The following LRRTM4 variants were observed in gnomAD, a reference collection of about 807,000 sequenced individuals.
LRRTM4 encodes leucine-rich repeat transmembrane neuronal protein 4.
LRRTM4 carries 25 observed loss-of-function variants against 47.6 expected under a neutral mutation model. That is an observed-to-expected ratio of 0.53 (90% CI 0.38 to 0.73). LRRTM4 has a LOEUF of 0.73. Among genes scored for constraint, LRRTM4 ranks in the 30% least tolerant of loss-of-function variants. The pLI is 0.00. For synonymous variants in LRRTM4, 311 were observed against 269.5 expected, an observed-to-expected ratio of 1.15 and a Z score of -1.51; for missense variants, 638 against 713.4, an observed-to-expected ratio of 0.89 and a Z score of 1.20.
At chr2:77,138,912 G>C (rs910678412) in intron 3 of LRRTM4, among the ~76,000 whole-genome samples, 1 of 152,016 alleles carries the variant, frequency 6.6e-6, no homozygotes, top group Non-Finnish European at 1.5e-5. Context: ...ATACTCCCAA[G>C]ACTAAACCAG....
At chr2:77,264,966 G>T (rs115476118) in intron 3 of LRRTM4, among the ~76,000 whole-genome samples, 328 of 152,148 alleles carry the variant, frequency 2.2e-3, no homozygotes, top group African/African-American at 7.5e-3. Flanking sequence ...TGTTTTCAAA[G>T]ATGGTAAAAC....
intron 3 of LRRTM4, among the ~76,000 whole-genome samples, chr2:77,516,441 T>G (rs1207604657): frequency 6.6e-6 from 1 of 151,852 alleles, no homozygotes; most frequent in Non-Finnish European, 1.5e-5. Context: ...TGTTTCTTTC[T>G]TCTTGGTGAT....
intron 3 of LRRTM4, among the ~76,000 whole-genome samples, chr2:77,028,531 G>C (rs908445304): frequency 4.6e-5 from 7 of 151,992 alleles, no homozygotes; most frequent in African/African-American, 1.7e-4. Context: ...ATTGGAAGAG[G>C]ATAGAAGGAA....
chr2:77,457,423 C>G (rs1414616072), intron 3 of LRRTM4, among the ~76,000 whole-genome samples: 1 of 152,002 alleles, frequency 6.6e-6, no homozygotes, highest in Admixed American at 6.6e-5. Context: ...TCTATCTACA[C>G]CTCTAACCCC....
At chr2:77,507,123 CTTTAT>C (rs1171358309) in intron 3 of LRRTM4, among the ~76,000 whole-genome samples, 1 of 151,838 alleles carries the variant, frequency 6.6e-6, no homozygotes, top group African/African-American at 2.4e-5. Context: ...CATTCATTTA[CTTTAT>C]AACTAGAAAA....
intron 3 of LRRTM4, among the ~76,000 whole-genome samples, chr2:76,822,759 T>C (rs1573169590): frequency 6.6e-6 from 1 of 151,650 alleles, no homozygotes; most frequent in African/African-American, 2.4e-5. Context: ...AAGGAGGTTG[T>C]ACCTCTAAGT....
At chr2:76,797,321 A>G (rs983238922) in intron 3 of LRRTM4, among the ~76,000 whole-genome samples, 1 of 152,092 alleles carries the variant, frequency 6.6e-6, no homozygotes, top group African/African-American at 2.4e-5. Context: ...CAACATTCTT[A>G]AAGAAAAGAA....
At chr2:76,843,258 C>T (rs552912303) in intron 3 of LRRTM4, among the ~76,000 whole-genome samples, 21 of 152,082 alleles carry the variant, frequency 1.4e-4, no homozygotes, top group African/African-American at 4.8e-4. Flanking sequence ...TGAAGTTTGT[C>T]CAGGGTCTAT....
intron 3 of LRRTM4, among the ~76,000 whole-genome samples, chr2:76,990,240 A>T (rs2103990086): frequency 6.6e-6 from 1 of 151,940 alleles, no homozygotes; most frequent in South Asian, 2.1e-4. Context: ...ACGGTGGGAA[A>T]CCACAAAATA....
At chr2:77,306,677 T>C (rs939145310) in intron 3 of LRRTM4, among the ~76,000 whole-genome samples, 9 of 152,108 alleles carry the variant, frequency 5.9e-5, no homozygotes, top group Non-Finnish European at 1.3e-4. Context: ...GAAAAACAAT[T>C]ATATTTGAGG....
At chr2:77,303,475 C>T (rs540602074) in intron 3 of LRRTM4, among the ~76,000 whole-genome samples, 1 of 152,260 alleles carries the variant, frequency 6.6e-6, no homozygotes, top group African/African-American at 2.4e-5. Context: ...TAAATTAGAA[C>T]AAGCATGATT....
chr2:76,795,225 A>T, intron 3 of LRRTM4, among the ~76,000 whole-genome samples: 1 of 152,302 alleles, frequency 6.6e-6, no homozygotes, highest in South Asian at 2.1e-4. Context: ...TAAATTAATG[A>T]AAAGTGTGTT....
At chr2:76,808,364 T>G (rs2103809103) in intron 3 of LRRTM4, among the ~76,000 whole-genome samples, 1 of 152,086 alleles carries the variant, frequency 6.6e-6, no homozygotes, top group Non-Finnish European at 1.5e-5. Context: ...ATTTAAAAAT[T>G]ACCTATAATG....
At chr2:77,129,898 C>T (rs1671749396) in intron 3 of LRRTM4, among the ~76,000 whole-genome samples, 1 of 152,014 alleles carries the variant, frequency 6.6e-6, no homozygotes, top group South Asian at 2.1e-4. Flanking sequence ...TAATAGAGGG[C>T]TCATTAGTTC....
At chr2:76,792,239 G>C (rs540386412) in intron 3 of LRRTM4, among the ~76,000 whole-genome samples, 1 of 151,578 alleles carries the variant, frequency 6.6e-6, no homozygotes, top group Non-Finnish European at 1.5e-5. Context: ...ATGTTAAGTC[G>C]GCTTAAAAAC....
intron 3 of LRRTM4, among the ~76,000 whole-genome samples, chr2:77,458,550 T>C (rs1676654207): frequency 6.6e-6 from 1 of 152,044 alleles, no homozygotes; most frequent in East Asian, 1.9e-4. Context: ...ATCTGGGGAA[T>C]AATGAAATCC....
At chr2:77,010,927 G>C (rs532880204) in intron 3 of LRRTM4, among the ~76,000 whole-genome samples, 42 of 152,138 alleles carry the variant, frequency 2.8e-4, no homozygotes, top group African/African-American at 9.4e-4. Flanking sequence ...CCATATGAAA[G>C]GCAACATTCA....
intron 3 of LRRTM4, among the ~76,000 whole-genome samples, chr2:76,862,968 C>T (rs1672362876): frequency 1.3e-5 from 2 of 152,284 alleles, no homozygotes; most frequent in African/African-American, 4.8e-5. Flanking sequence ...TATGTTTCTA[C>T]CCTCCGATTA....
At chr2:77,158,753 T>G (rs372068228) in intron 3 of LRRTM4, among the ~76,000 whole-genome samples, 161 of 152,198 alleles carry the variant, frequency 1.1e-3, no homozygotes, top group African/African-American at 3.6e-3. Context: ...TTTTTCTCCC[T>G]GCTTGTCTTT....
Sources: allele counts gnomAD v4.1 joint callset (sites outside exome capture counted in the v4.1 genomes callset), GRCh38; gene constraint gnomAD v4.1.1; transcripts MANE v1.5; gene names NCBI Gene and HGNC (gene_info 2026-07-23, HGNC 2026-07-21).